The following SBNO1 variants were observed in gnomAD, a reference collection of about 807,000 sequenced individuals.
SBNO1 encodes the protein protein strawberry notch homolog 1.
Under a neutral mutation model 173.6 loss-of-function variants are expected in SBNO1, and 23 were observed. The observed-to-expected ratio is 0.13, with a 90% confidence interval of 0.10 to 0.19. The LOEUF (loss-of-function observed/expected upper bound fraction) is 0.19, where lower values mean the gene tolerates loss of function less well. SBNO1 is among the 10% of genes least tolerant of loss of function. The probability of loss-of-function intolerance (pLI) is 1.00; values close to 1 mark genes in which losing one functional copy is unlikely to be tolerated. For missense variants in SBNO1, 1,238 were observed against 1,671.2 expected, an observed-to-expected ratio of 0.74 and a Z score of 4.52; for synonymous variants, 632 against 571.5, an observed-to-expected ratio of 1.11 and a Z score of -1.51.
At chr12:123,299,246 T>TAGTC (rs2048701670) in intron 30 of SBNO1, among the ~76,000 whole-genome samples, 1 of 152,050 alleles carries the variant, frequency 6.6e-6, no homozygotes, top group South Asian at 2.1e-4. Flanking sequence ...CAGGCACCTG[T>TAGTC]AGTCCCAGCT....
chr12:123,351,258 G>C (rs1455463444), intron 1 of SBNO1, among the ~76,000 whole-genome samples: 2 of 152,198 alleles, frequency 1.3e-5, no homozygotes, highest in African/African-American at 4.8e-5. Context: ...CACCATGCTG[G>C]AGAGTTCACT....
intron 14 of SBNO1, 118 bp downstream of exon 14, chr12:123,326,031 ATTT>A (rs997926268): frequency 4.7e-6 from 3 of 634,908 alleles, no homozygotes; most frequent in Middle Eastern, 3.5e-4. Flanking sequence ...TAAGAAATGT[ATTT>A]TTTAGAAGTT....
intron 5 of SBNO1, among the ~76,000 whole-genome samples, chr12:123,339,455 C>T (rs1872272106): frequency 2.0e-5 from 3 of 152,080 alleles, no homozygotes; most frequent in Admixed American, 2.0e-4. Flanking sequence ...TAACAGGTCC[C>T]TCCATGTCTA....
rs1225275310 is a variant in SBNO1 at position 123,309,490 on chromosome 12, G to C, written c.3536C>G (p.Thr1179Arg). ...YSTSGHVELYTISVERGMSWE... is the reference protein window; with the variant it reads ...YSTSGHVELYRISVERGMSWE... The stretch of plus-strand genomic sequence containing the variant: ...CTTCACAACATTTTCTAAACTTACT[G>C]TGTATAATTCTACGTGGCCAGAGGT... The change falls in exon 27 of 32, where the codon ACA becomes AGA. Residue 1179 changes from threonine to arginine, a missense_variant and splice_region_variant. Physicochemically the swap from Thr to Arg is moderately conservative, Grantham distance 71. Coordinates refer to ENST00000602398, the MANE Select transcript of SBNO1 (RefSeq NM_001167856.3). 3 of 1,609,684 alleles carry C rather than the reference G, an allele frequency of 1.9e-6. No individual in the cohort carries two copies. In the African/African-American group the frequency reaches 4.0e-5, roughly 22 times the overall value.
chr12:123,313,592 C>T (rs759549163), intron 24 of SBNO1, 28 bp downstream of exon 24: 1 of 1,143,162 alleles, frequency 8.7e-7, no homozygotes, highest in East Asian at 2.4e-5. Context: ...TAATCATTGT[C>T]ATTGTTATGA....
chr12:123,359,176 G>A (rs1874827421), intron 1 of SBNO1, among the ~76,000 whole-genome samples: 2 of 151,666 alleles, frequency 1.3e-5, no homozygotes, highest in African/African-American at 4.8e-5. Flanking sequence ...CTCGTGATCA[G>A]CCCGCCTCAG....
intron 7 of SBNO1, among the ~76,000 whole-genome samples, chr12:123,331,712 G>A (rs745722847): frequency 4.6e-5 from 7 of 151,778 alleles, no homozygotes; most frequent in Non-Finnish European, 1.0e-4. Context: ...TAGTAGAAAC[G>A]GGTTTCACCA....
chr12:123,328,105 T>C (rs1593370310), intron 10 of SBNO1, 78 bp from the exon 11 acceptor site: 1 of 1,231,696 alleles, frequency 8.1e-7, no homozygotes, highest in East Asian at 2.4e-5. Context: ...AGTTAACTTT[T>C]ATTTCCCTGA....
At chr12:123,309,151 CAT>C (rs1040060271) in intron 28 of SBNO1, among the ~76,000 whole-genome samples, 157 bp downstream of exon 28, 18 of 152,224 alleles carry the variant, frequency 1.2e-4, no homozygotes, top group African/African-American at 4.3e-4. Context: ...TAAGTAAAAA[CAT>C]AACACAAATG....
chr12:123,338,695 CA>C (rs978619159), intron 5 of SBNO1, among the ~76,000 whole-genome samples: 34 of 151,924 alleles, frequency 2.2e-4, no homozygotes, highest in African/African-American at 8.2e-4. Context: ...AATAAATAAA[CA>C]AAATAAAAGA....
At chr12:123,341,238 C>G in intron 4 of SBNO1, 150 bp from the exon 5 acceptor site, 1 of 558,426 alleles carries the variant, frequency 1.8e-6, no homozygotes, top group Non-Finnish European at 3.1e-6. Context: ...ATTACAAGGT[C>G]AGGAGTTCAA....
At chr12:123,327,338 TG>T in intron 13 of SBNO1, 87 bp downstream of exon 13, 1 of 1,056,478 alleles carries the variant, frequency 9.5e-7, no homozygotes, top group Non-Finnish European at 1.4e-6. Flanking sequence ...TACATTCCCA[TG>T]GGCAGGAGGC....
At position 123,309,556 on chromosome 12, in the gene SBNO1, C is replaced by T. The variant is rs146896921; in HGVS notation, c.3470G>A (p.Arg1157Gln). Residue 1157 changes from arginine to glutamine, a missense_variant, in exon 27 of 32, where the codon CGG (arginine) becomes CAG (glutamine). Physicochemically the swap from Arg to Gln is conservative, Grantham distance 43 (BLOSUM62 1). Coordinates refer to ENST00000602398, the MANE Select transcript of SBNO1 (RefSeq NM_001167856.3). ...CAGAAACTTTTTAACATCACTTTTC[C>T]GCACTTTTTCATCTCCAGAACCAAG... ...LDLGSGDEKV[R>Q]KSDVKKFLTP... is the part of the protein sequence containing the mutation. 4.5e-5 allele frequency: 73 copies of T among 1,613,780 alleles called. No individual in the cohort carries two copies. The Admixed American group carries it at 8.8e-4, about 20-fold the overall frequency.
chr12:123,306,814 A>G (rs1208297664), intron 28 of SBNO1, among the ~76,000 whole-genome samples: 1 of 152,028 alleles, frequency 6.6e-6, no homozygotes, highest in Admixed American at 6.6e-5. Context: ...AACTGATAAA[A>G]GTATGCAAGA....
At chr12:123,296,833 A>G (rs1315709863) in intron 31 of SBNO1, among the ~76,000 whole-genome samples, 1 of 151,072 alleles carries the variant, frequency 6.6e-6, no homozygotes, top group Admixed American at 6.6e-5. Context: ...TGCTGGGATT[A>G]TAGGTGTGAG....
chr12:123,323,699 A>G lies in SBNO1; in HGVS notation c.2106T>C (p.Asn702=), dbSNP rs780215633. The G allele has an allele frequency of 5.0e-6, 8 of 1,605,490 alleles. No individual in the cohort carries two copies. Among genetic ancestry groups the G allele is most frequent in the Middle Eastern group, 1.7e-4 (1 of 6,054 alleles). Residue 702 remains asparagine, a synonymous_variant, in exon 16 of 32, where the codon AAT becomes AAC. Coordinates refer to ENST00000602398, the MANE Select transcript of SBNO1 (RefSeq NM_001167856.3). ...GCTCACCTTTCCGCTTCTTTATTTT[A>G]TTTTCTTTACAAGGACTATCTCTTG... The part of the protein sequence containing the change: ...SSPRDSPCKE[N]KIKKRKGEEI...
In SBNO1 at chr12:123,327,822, C is replaced by A. The variant is rs560484684; in HGVS notation, c.1433-10G>T. 1 of 1,610,760 alleles carries A rather than the reference C, an allele frequency of 6.2e-7. No homozygotes were observed. The highest frequency in any genetic ancestry group is 2.2e-5 in the East Asian group (1 of 44,834). The stretch of plus-strand genomic sequence containing the variant: ...CGTGGTTCAGAAGCACCTGAAAATC[C>A]CACAAATGAAATATATTATAGTTGA... On this transcript the variant is annotated splice_polypyrimidine_tract_variant and intron_variant, in intron 11 of 31. Transcript: ENST00000602398.
At chr12:123,321,837 A>G in intron 16 of SBNO1, 105 bp from the exon 17 acceptor site, 1 of 937,866 alleles carries the variant, frequency 1.1e-6, no homozygotes, top group South Asian at 1.6e-5. Flanking sequence ...AGTGCAGAGG[A>G]AAAGTATTTA....
At chr12:123,352,183 G>T (rs774660076) in intron 1 of SBNO1, among the ~76,000 whole-genome samples, 1 of 152,108 alleles carries the variant, frequency 6.6e-6, no homozygotes, top group Non-Finnish European at 1.5e-5. Context: ...TGAAAAATCT[G>T]TACTCTTCTC....
Sources: gnomAD v4.1 joint callset for allele counts (sites outside exome capture counted in the v4.1 genomes callset) on GRCh38, gnomAD v4.1.1 for gene constraint, MANE v1.5 for transcripts, NCBI Gene and HGNC (gene_info 2026-07-23, HGNC 2026-07-21) for gene names.